Variants in CACNA2D3 observed in about 807,000 individuals in gnomAD.
CACNA2D3 encodes the protein voltage-dependent calcium channel subunit alpha-2/delta-3.
Under a neutral mutation model 160.6 loss-of-function variants are expected in CACNA2D3, and 60 were observed. That is an observed-to-expected ratio of 0.37 (90% CI 0.30 to 0.46). The LOEUF (loss-of-function observed/expected upper bound fraction) is 0.46. CACNA2D3 is among the 20% of genes least tolerant of loss of function. The pLI is 1.00. For synonymous variants in CACNA2D3, 558 were observed against 492.9 expected (o/e 1.13, Z -1.75); for missense variants, 1,205 against 1,365.0 (o/e 0.88, Z 1.85).
chr3:54,839,114 C>G (rs369533651), intron 16 of CACNA2D3, among the ~76,000 whole-genome samples: 1 of 152,052 alleles, frequency 6.6e-6, no homozygotes, highest in South Asian at 2.1e-4. Flanking sequence ...AACAATTAGC[C>G]GGTCGTGATG....
chr3:54,805,182 G>T (rs1284928616), intron 13 of CACNA2D3, among the ~76,000 whole-genome samples: 2 of 151,980 alleles, frequency 1.3e-5, no homozygotes, highest in East Asian at 3.9e-4. Flanking sequence ...GCTAGCAGAA[G>T]GCAAGAAATA....
At chr3:54,460,269 T>C (rs888919784) in intron 4 of CACNA2D3, among the ~76,000 whole-genome samples, 6 of 152,140 alleles carry the variant, frequency 3.9e-5, no homozygotes, top group African/African-American at 1.4e-4. Context: ...TCTTTTTTGG[T>C]TCCATATGAA....
At chr3:54,991,224 A>ATTTTT (rs72441718) in intron 31 of CACNA2D3, among the ~76,000 whole-genome samples, 1 of 138,736 alleles carries the variant, frequency 7.2e-6, no homozygotes. Context: ...AGTGTCGAGT[A>ATTTTT]TTTTTTTTTT....
At chr3:54,685,536 T>C (rs1400677006) in intron 11 of CACNA2D3, among the ~76,000 whole-genome samples, 1 of 152,252 alleles carries the variant, frequency 6.6e-6, no homozygotes, top group East Asian at 1.9e-4. Flanking sequence ...AGAAGCTGTA[T>C]ATTACAGTGA....
chr3:54,255,313 A>G (rs1000400626), intron 2 of CACNA2D3, among the ~76,000 whole-genome samples: 1 of 152,216 alleles, frequency 6.6e-6, no homozygotes, highest in Non-Finnish European at 1.5e-5. Context: ...GAGCTTTGAT[A>G]CATCAGAGGG....
intron 2 of CACNA2D3, among the ~76,000 whole-genome samples, chr3:54,226,764 G>A (rs1157524154): frequency 3.3e-5 from 5 of 152,156 alleles, no homozygotes; most frequent in Non-Finnish European, 7.3e-5. Context: ...TTTATCCAGT[G>A]CCTCAAAGAG....
chr3:55,051,814 G>T (rs546148251), intron 35 of CACNA2D3, among the ~76,000 whole-genome samples: 6 of 152,318 alleles, frequency 3.9e-5, no homozygotes, highest in African/African-American at 1.4e-4. Context: ...GTGGTGCGCC[G>T]TTTTTTAAGC....
At chr3:54,867,274 T>C (rs1389281769) in intron 17 of CACNA2D3, among the ~76,000 whole-genome samples, 1 of 151,910 alleles carries the variant, frequency 6.6e-6, no homozygotes, top group African/African-American at 2.4e-5. Context: ...CTGTCACTCA[T>C]GGGGGTGAGG....
intron 27 of CACNA2D3, chr3:54,927,915 T>G (rs367743937): frequency 7.4e-6 from 12 of 1,613,614 alleles, no homozygotes; most frequent in Non-Finnish European, 1.0e-5. Context: ...CTTTCATGAC[T>G]GAGTCTCCTT....
Position 54,879,327 on chromosome 3 carries a change from CTTT to C in CACNA2D3, c.1783-11_1783-9del, listed in dbSNP as rs35536476. On this transcript the variant is annotated intron_variant, in intron 19 of 37. Transcript: ENST00000474759. ...TAACCATGTTTTCTTTTCTCTACGA[CTTT>C]TTTTTTTTTTTCAATCTAGAAACGG... 442 of 1,382,894 alleles carry C rather than the reference CTTT, an allele frequency of 3.2e-4. No individual in the cohort carries two copies. Among genetic ancestry groups the C allele is most frequent in the Admixed American group, 1.3e-3 (59 of 46,710 alleles). 85.7% of individuals were successfully genotyped at this position (1,382,894 alleles called of 1,614,324 possible).
chr3:54,178,125 A>C (rs944275293), intron 2 of CACNA2D3, among the ~76,000 whole-genome samples: 1 of 152,184 alleles, frequency 6.6e-6, no homozygotes, highest in Non-Finnish European at 1.5e-5. Flanking sequence ...GCTTCCTTGC[A>C]GAGAGGAGCT....
intron 4 of CACNA2D3, among the ~76,000 whole-genome samples, chr3:54,437,671 G>T (rs1700080978): frequency 6.6e-6 from 1 of 152,212 alleles, no homozygotes; most frequent in Admixed American, 6.5e-5. Flanking sequence ...ATTACACACT[G>T]ATCCATATCT....
At chr3:54,742,870 T>C (rs1377795688) in intron 11 of CACNA2D3, among the ~76,000 whole-genome samples, 1 of 152,214 alleles carries the variant, frequency 6.6e-6, no homozygotes, top group Non-Finnish European at 1.5e-5. Flanking sequence ...TCCCTGACTA[T>C]GAGGCTGTAA....
At chr3:54,876,031 G>A (rs1699650825) in intron 18 of CACNA2D3, among the ~76,000 whole-genome samples, 1 of 152,114 alleles carries the variant, frequency 6.6e-6, no homozygotes, top group African/African-American at 2.4e-5. Flanking sequence ...GTTTTTTAAT[G>A]ACTACATAAT....
At chr3:54,967,495 A>G (rs1382761857) in intron 27 of CACNA2D3, among the ~76,000 whole-genome samples, 2 of 152,160 alleles carry the variant, frequency 1.3e-5, no homozygotes, top group Non-Finnish European at 2.9e-5. Flanking sequence ...CAATAAGAGT[A>G]TTGGTGGTAT....
intron 27 of CACNA2D3, chr3:54,918,357 TCTTTTG>T: frequency 9.7e-6 from 4 of 412,632 alleles, no homozygotes; most frequent in Admixed American, 6.9e-5. Flanking sequence ...TTTTTTTTTG[TCTTTTG>T]GCAAAAGCAA....
At chr3:54,699,667 G>A (rs1427131056) in intron 11 of CACNA2D3, among the ~76,000 whole-genome samples, 1 of 152,060 alleles carries the variant, frequency 6.6e-6, no homozygotes, top group Non-Finnish European at 1.5e-5. Flanking sequence ...TATCAGACTG[G>A]ATTTTGGTTC....
intron 31 of CACNA2D3, among the ~76,000 whole-genome samples, chr3:54,990,349 G>A (rs1210170647): frequency 2.0e-5 from 3 of 152,178 alleles, no homozygotes; most frequent in East Asian, 3.9e-4. Context: ...TGGCCAACAA[G>A]GTGAAACGCT....
chr3:55,029,044 C>T (rs1338000986), intron 35 of CACNA2D3, among the ~76,000 whole-genome samples: 4 of 152,156 alleles, frequency 2.6e-5, no homozygotes, highest in Non-Finnish European at 5.9e-5. Flanking sequence ...ACGAACAACT[C>T]CAATTTCCTG....
Sources: allele counts gnomAD v4.1 joint callset (sites outside exome capture counted in the v4.1 genomes callset), GRCh38; gene constraint gnomAD v4.1.1; transcripts MANE v1.5; gene names NCBI Gene and HGNC (gene_info 2026-07-23, HGNC 2026-07-21).